Variants in DLG2 observed in about 807,000 individuals in gnomAD.
The protein encoded by DLG2 is discs large MAGUK scaffold protein 2.
A neutral mutation model predicts 132.5 loss-of-function variants in DLG2; 45 were observed. The observed-to-expected ratio is 0.34, with a 90% CI of 0.27 to 0.44. The LOEUF (loss-of-function observed/expected upper bound fraction) is 0.44. Ranked by LOEUF, DLG2 falls within the 20% of genes least tolerant of loss-of-function variation. The probability of loss-of-function intolerance (pLI) is 1.00; values close to 1 mark genes in which losing one functional copy is unlikely to be tolerated. For synonymous variants in DLG2, 424 were observed against 419.6 expected (o/e 1.01, Z -0.13); for missense variants, 1,045 against 1,196.9 (o/e 0.87, Z 1.87).
chr11:85,414,176 A>T (rs1433166631), intron 3 of DLG2, among the ~76,000 whole-genome samples: 1 of 151,980 alleles, frequency 6.6e-6, no homozygotes. Context: ...AAAGGGGTTG[A>T]GTTCTCAATT....
At chr11:84,578,120 A>T (rs367872292) in intron 6 of DLG2, among the ~76,000 whole-genome samples, 12 of 152,294 alleles carry the variant, frequency 7.9e-5, no homozygotes, top group African/African-American at 2.6e-4. Flanking sequence ...ATTTCAGAAG[A>T]TGTATGGAAA....
intron 4 of DLG2, among the ~76,000 whole-genome samples, chr11:85,260,216 A>G (rs2076871629): frequency 6.6e-6 from 1 of 152,220 alleles, no homozygotes; most frequent in African/African-American, 2.4e-5. Flanking sequence ...TGCCCTTAAT[A>G]AGCCTGGCAC....
intron 6 of DLG2, among the ~76,000 whole-genome samples, chr11:84,626,732 C>T (rs1244451593): frequency 2.6e-5 from 4 of 152,154 alleles, no homozygotes; most frequent in African/African-American, 7.2e-5. Context: ...TGTACAGGAG[C>T]AGCAAGACCC....
chr11:85,548,595 C>A (rs772247902), intron 3 of DLG2, among the ~76,000 whole-genome samples: 9 of 152,182 alleles, frequency 5.9e-5, no homozygotes, highest in Admixed American at 1.3e-4. Flanking sequence ...CCCCAACCGC[C>A]CCTTCCCCCA....
chr11:85,383,183 T>C (rs1306901769), intron 3 of DLG2, among the ~76,000 whole-genome samples: 1 of 152,158 alleles, frequency 6.6e-6, no homozygotes, highest in East Asian at 1.9e-4. Flanking sequence ...TACTAAAACA[T>C]GGATGACCTT....
intron 3 of DLG2, among the ~76,000 whole-genome samples, chr11:85,506,414 T>A (rs2093934862): frequency 6.6e-6 from 1 of 152,232 alleles, no homozygotes; most frequent in Non-Finnish European, 1.5e-5. Flanking sequence ...TGGTATGTTG[T>A]GTCTTTGTTC....
chr11:84,414,436 G>GT (rs2098921613), intron 7 of DLG2, among the ~76,000 whole-genome samples: 1 of 151,942 alleles, frequency 6.6e-6, no homozygotes, highest in South Asian at 2.1e-4. Flanking sequence ...TCCTATTTTT[G>GT]TGCTGTAGGG....
intron 7 of DLG2, among the ~76,000 whole-genome samples, chr11:84,352,067 C>G (rs1430131265): frequency 6.6e-6 from 1 of 152,124 alleles, no homozygotes; most frequent in Non-Finnish European, 1.5e-5. Flanking sequence ...TTTATTGATT[C>G]ATAGAACCTT....
chr11:83,656,073 G>A (rs746279137), intron 18 of DLG2, among the ~76,000 whole-genome samples: 9 of 152,204 alleles, frequency 5.9e-5, no homozygotes, highest in Non-Finnish European at 1.2e-4. Context: ...CTGAGATTAC[G>A]CAGGTCAGGG....
intron 6 of DLG2, 108 bp from the exon 7 acceptor site, chr11:84,534,839 C>T: frequency 3.1e-6 from 4 of 1,287,306 alleles, no homozygotes; most frequent in Non-Finnish European, 4.5e-6. Flanking sequence ...TGTGCACCTA[C>T]TGTTGACTTC....
At chr11:84,332,468 C>T (rs1476211103) in intron 7 of DLG2, among the ~76,000 whole-genome samples, 2 of 149,848 alleles carry the variant, frequency 1.3e-5, no homozygotes, top group Non-Finnish European at 3.0e-5. Flanking sequence ...CCTCAGCCTC[C>T]CAAAGTGCTG....
intron 22 of DLG2, among the ~76,000 whole-genome samples, chr11:83,481,381 TGAA>T (rs1394662024): frequency 2.7e-5 from 4 of 145,792 alleles, no homozygotes; most frequent in African/African-American, 1.0e-4. Flanking sequence ...TTTAATTAAA[TGAA>T]GAACATGTGA....
intron 19 of DLG2, among the ~76,000 whole-genome samples, chr11:83,559,281 G>A: frequency 6.6e-6 from 1 of 152,118 alleles, no homozygotes; most frequent in Non-Finnish European, 1.5e-5. Flanking sequence ...AAATCTGCCT[G>A]GAAAAGTAGA....
Position 85,556,215 on chromosome 11 carries a change from T to C in DLG2, c.40+42442A>G, listed in dbSNP as rs113247196. ...ACTCATTGCGTGTTTACTATTACAG[T>C]TATATAAAATCTTATTATGTAATCT... On this transcript the variant is annotated intron_variant, in intron 3 of 27. Coordinates refer to ENST00000376104, the MANE Select transcript of DLG2 (RefSeq NM_001142699.3). Among the ~76,000 whole-genome samples, 245 of 151,972 alleles carry C rather than the reference T, an allele frequency of 1.6e-3. 5 individuals are homozygous for C. Among genetic ancestry groups the C allele is most frequent in the African/African-American group, 5.6e-3 (233 of 41,544 alleles).
chr11:84,240,490 G>A (rs1199678428), intron 8 of DLG2, among the ~76,000 whole-genome samples: 1 of 152,090 alleles, frequency 6.6e-6, no homozygotes, highest in Non-Finnish European at 1.5e-5. Flanking sequence ...GCTGGTATAT[G>A]GTTGAATCAA....
chr11:85,125,828 CACACACA>C (rs1188736059), intron 5 of DLG2, among the ~76,000 whole-genome samples: 26 of 151,926 alleles, frequency 1.7e-4, no homozygotes, highest in Middle Eastern at 3.4e-3. Flanking sequence ...CACACACACA[CACACACA>C]CACACACACA....
chr11:84,806,236 A>G (rs896035707), intron 6 of DLG2, among the ~76,000 whole-genome samples: 6 of 152,190 alleles, frequency 3.9e-5, no homozygotes, highest in Admixed American at 3.3e-4. Flanking sequence ...ATGAAAGGAG[A>G]AAGAGTGGAG....
At chr11:84,245,792 T>C (rs753399089) in intron 8 of DLG2, among the ~76,000 whole-genome samples, 10 of 152,246 alleles carry the variant, frequency 6.6e-5, no homozygotes, top group Non-Finnish European at 1.5e-4. Context: ...TTTTCTTTTA[T>C]ATCTGCTTTG....
rs180708288 is a variant in DLG2, at chr11:84,271,937, C to G, written c.520-20646G>C. 4.8e-4 allele frequency among the ~76,000 whole-genome samples: 46 copies of G among 95,768 alleles called. No homozygotes were observed. In the East Asian group the frequency reaches 0.014, roughly 29 times the overall value. 62.8% of individuals were successfully genotyped at this position (95,768 alleles called of 152,430 possible). ...CTTGAGGTCCACAAGGAATATCACACTTTGATAATAACAAAAAAAAAAAAA... is the reference window on the plus strand; with the variant it reads ...CTTGAGGTCCACAAGGAATATCACAGTTTGATAATAACAAAAAAAAAAAAA... On this transcript the variant is annotated intron_variant, in intron 7 of 27. Transcript: ENST00000376104.
Sources: allele counts gnomAD v4.1 joint callset (sites outside exome capture counted in the v4.1 genomes callset), GRCh38; gene constraint gnomAD v4.1.1; transcripts MANE v1.5; gene names NCBI Gene and HGNC (gene_info 2026-07-23, HGNC 2026-07-21).